Variants in SLC39A8 observed in about 807,000 individuals in gnomAD.
The protein encoded by SLC39A8 is metal cation symporter ZIP8.
In SLC39A8, 15 loss-of-function variants were observed where a neutral mutation model predicts 40.4. The observed-to-expected ratio is 0.37, with a 90% CI of 0.25 to 0.57. The LOEUF (loss-of-function observed/expected upper bound fraction) is 0.57, where lower values mean the gene tolerates loss of function less well. SLC39A8 is among the 20% of genes least tolerant of loss of function. SLC39A8 has a pLI of 0.75. For missense variants in SLC39A8, 472 were observed against 558.8 expected, an observed-to-expected ratio of 0.84 and a Z score of 1.57; for synonymous variants, 223 against 221.6, an observed-to-expected ratio of 1.01 and a Z score of -0.06.
Position 102,344,615 on chromosome 4 carries a change from G to A in SLC39A8, c.48C>T (p.Ala16=), listed in dbSNP as rs531480613. Residue 16 remains alanine (A), a synonymous_variant, in exon 2 of 9, where the codon GCC becomes GCT. Coordinates refer to ENST00000356736, the MANE Select transcript of SLC39A8 (RefSeq NM_001135146.2). The stretch of plus-strand genomic sequence containing the variant: ...GCCCCTCCGCCACTCCTCCGAGGCC[G>A]GCGGCCGCCAGCAACAGGAGCCCGG... ...AVAGLLLLAA[A]GLGGVAEGPG... The A allele has an allele frequency of 1.6e-5, 24 of 1,539,838 alleles. No homozygotes were observed. The East Asian group carries it at 4.3e-4, about 27-fold the overall frequency.
At chr4:102,304,839 A>C in intron 5 of SLC39A8, 150 bp downstream of exon 5, 1 of 676,542 alleles carries the variant, frequency 1.5e-6, no homozygotes, top group Non-Finnish European at 2.4e-6. Flanking sequence ...TATACTTGTC[A>C]ATATATTGAC....
chr4:102,339,949 A>G lies in SLC39A8; in HGVS notation c.219+4495T>C, dbSNP rs143076354. 7.7e-4 allele frequency among the ~76,000 whole-genome samples: 117 copies of G among 152,320 alleles called. 1 individual carries two copies. In the East Asian group the frequency reaches 0.018, roughly 24 times the overall value. ...AGCATGTGGGAGTTATTTATATCCCACTGCTCAAGGTCATTGCCAAGGTCT... is the reference window on the plus strand; with the variant it reads ...AGCATGTGGGAGTTATTTATATCCCGCTGCTCAAGGTCATTGCCAAGGTCT... On this transcript the variant is annotated intron_variant, in intron 2 of 8. Transcript: ENST00000356736.
intron 6 of SLC39A8, among the ~76,000 whole-genome samples, chr4:102,273,658 C>T (rs1012753613): frequency 4.6e-5 from 7 of 152,190 alleles, no homozygotes; most frequent in African/African-American, 9.7e-5. Flanking sequence ...CTGGGAGACA[C>T]CTCCCAGCAG....
intron 2 of SLC39A8, among the ~76,000 whole-genome samples, chr4:102,333,848 G>A (rs1234796673): frequency 6.6e-6 from 1 of 151,868 alleles, no homozygotes; most frequent in Non-Finnish European, 1.5e-5. Flanking sequence ...GAAACCTGAG[G>A]AGCACTAATA....
At chr4:102,307,132 G>A (rs910056541) in intron 4 of SLC39A8, among the ~76,000 whole-genome samples, 1 of 152,040 alleles carries the variant, frequency 6.6e-6, no homozygotes, top group Non-Finnish European at 1.5e-5. Context: ...AACAGTGTGT[G>A]GAAAAATTAA....
intron 6 of SLC39A8, among the ~76,000 whole-genome samples, chr4:102,297,394 G>C (rs540603132): frequency 1.5e-4 from 23 of 152,094 alleles, no homozygotes; most frequent in Admixed American, 3.3e-4. Context: ...GCCTCACAGG[G>C]TTGTTACTGT....
At chr4:102,296,648 T>C (rs1255303088) in intron 6 of SLC39A8, among the ~76,000 whole-genome samples, 1 of 152,156 alleles carries the variant, frequency 6.6e-6, no homozygotes, top group Non-Finnish European at 1.5e-5. Context: ...CAACATATTT[T>C]AATCCTAAGA....
chr4:102,264,961 T>G (rs1732035898), intron 8 of SLC39A8, among the ~76,000 whole-genome samples: 1 of 152,262 alleles, frequency 6.6e-6, no homozygotes, highest in Admixed American at 6.5e-5. Flanking sequence ...GGTTTGATCT[T>G]TCTATCCATA....
At chr4:102,294,379 T>C (rs2033899) in intron 6 of SLC39A8, among the ~76,000 whole-genome samples, 12,554 of 152,010 alleles carry the variant, frequency 0.083, 564 homozygotes, top group South Asian at 0.15. Context: ...TGATCACTCT[T>C]AATATCTGAT....
intron 1 of SLC39A8, 36 bp from the exon 2 acceptor site, chr4:102,344,951 G>C: frequency 8.5e-7 from 1 of 1,169,644 alleles, no homozygotes; most frequent in Non-Finnish European, 1.1e-6. Context: ...CAGAGATAAA[G>C]GCCACCAGGG....
At chr4:102,274,432 C>G (rs1409685058) in intron 6 of SLC39A8, among the ~76,000 whole-genome samples, 3 of 152,110 alleles carry the variant, frequency 2.0e-5, no homozygotes, top group Admixed American at 6.5e-5. Flanking sequence ...AGCAAAGAAT[C>G]CAAGAAATAT....
chr4:102,328,762 A>C (rs1184357399), intron 2 of SLC39A8, among the ~76,000 whole-genome samples: 9 of 152,192 alleles, frequency 5.9e-5, no homozygotes, highest in Admixed American at 5.2e-4. Flanking sequence ...ACGGTGGCTC[A>C]CGCCTGTAAT....
intron 2 of SLC39A8, among the ~76,000 whole-genome samples, chr4:102,325,442 TAC>T (rs1373406978): frequency 1.3e-5 from 2 of 152,062 alleles, no homozygotes; most frequent in Non-Finnish European, 2.9e-5. Context: ...TACACATACA[TAC>T]ACACACACTT....
intron 2 of SLC39A8, among the ~76,000 whole-genome samples, chr4:102,333,353 C>T (rs1252111701): frequency 6.6e-6 from 1 of 152,060 alleles, no homozygotes; most frequent in Non-Finnish European, 1.5e-5. Context: ...GATTTCATCT[C>T]TACTACAATC....
chr4:102,258,104 G>GTTTTTTTTTTTTT (rs752860248), downstream of SLC39A8, among the ~76,000 whole-genome samples: 1 of 146,182 alleles, frequency 6.8e-6, no homozygotes, highest in Admixed American at 6.7e-5. Flanking sequence ...AGTGTTTTTT[G>GTTTTTTTTTTTTT]TTTTTTGTTT....
chr4:102,340,435 G>C (rs2149057416), intron 2 of SLC39A8, among the ~76,000 whole-genome samples: 1 of 152,310 alleles, frequency 6.6e-6, no homozygotes, highest in Admixed American at 6.5e-5. Context: ...GATCAAGAAA[G>C]GCTTCTCAGA....
At chr4:102,301,831 A>G (rs1322705828) in intron 6 of SLC39A8, among the ~76,000 whole-genome samples, 2 of 152,050 alleles carry the variant, frequency 1.3e-5, no homozygotes, top group African/African-American at 4.8e-5. Flanking sequence ...TTATTTGTTA[A>G]TTATGATTTA....
intron 8 of SLC39A8, among the ~76,000 whole-genome samples, chr4:102,265,192 G>A (rs78905462): frequency 6.2e-4 from 94 of 152,170 alleles, no homozygotes; most frequent in African/African-American, 2.2e-3. Flanking sequence ...TATGATAGAT[G>A]TGCAGCTCTT....
chr4:102,305,007 T>C lies in SLC39A8; in HGVS notation c.657A>G (p.Leu219=). The change falls in exon 5 of 9, where the codon TTA becomes TTG. Residue 219 remains leucine, a synonymous_variant. Transcript: ENST00000356736. ...LFFFERMLKM[L]LKTYGQNGHT... The stretch of plus-strand genomic sequence containing the variant: ...CATTTACCTGACCATATGTCTTTAA[T>C]AACATCTTTAGCATTCTTTCAAAAA... 2 of 1,605,578 alleles carry C rather than the reference T, an allele frequency of 1.2e-6. No homozygotes were observed. Among genetic ancestry groups the C allele is most frequent in the Non-Finnish European group, 1.7e-6 (2 of 1,174,092 alleles).
Sources: allele counts gnomAD v4.1 joint callset (sites outside exome capture counted in the v4.1 genomes callset), GRCh38; gene constraint gnomAD v4.1.1; transcripts MANE v1.5; gene names NCBI Gene and HGNC (gene_info 2026-07-23, HGNC 2026-07-21).